SYT9: variants seen among roughly 807,000 people sequenced by gnomAD.
SYT9 encodes synaptotagmin-9.
In SYT9, 22 loss-of-function variants were observed where a neutral mutation model predicts 48.4. The observed-to-expected ratio is 0.45, with a 90% CI of 0.32 to 0.65. The LOEUF is 0.65. SYT9 is among the 30% of genes least tolerant of loss of function. The pLI is 0.03. For synonymous variants in SYT9, 265 were observed against 245.0 expected, an observed-to-expected ratio of 1.08 and a Z score of -0.76; for missense variants, 577 against 622.0, an observed-to-expected ratio of 0.93 and a Z score of 0.77.
At chr11:7,323,047 G>A (rs911216641) in intron 3 of SYT9, among the ~76,000 whole-genome samples, 2 of 151,964 alleles carry the variant, frequency 1.3e-5, no homozygotes, top group African/African-American at 2.4e-5. Flanking sequence ...CATGATTTTA[G>A]CATTCCATAT....
chr11:7,462,815 G>A (rs965182005), intron 6 of SYT9, among the ~76,000 whole-genome samples: 1 of 152,080 alleles, frequency 6.6e-6, no homozygotes, highest in Non-Finnish European at 1.5e-5. Context: ...GGTACTTCCT[G>A]TAATAAAGTC....
In SYT9 at chr11:7,407,528, C is replaced by T. The variant is rs1225307739; in HGVS notation, c.1045-8514C>T. On this transcript the variant is annotated intron_variant, in intron 3 of 6. Coordinates refer to ENST00000318881, the MANE Select transcript of SYT9 (RefSeq NM_175733.4). ...CCCCAGTAGCTGGGACTACAGGCGCCCGCCACCGCGCCCGGCTAATTTTTT... is the reference window on the plus strand; with the variant it reads ...CCCCAGTAGCTGGGACTACAGGCGCTCGCCACCGCGCCCGGCTAATTTTTT... 4.0e-5 allele frequency among the ~76,000 whole-genome samples: 4 copies of T among 100,964 alleles called. 2 individuals are homozygous for T. Among genetic ancestry groups the T allele is most frequent in the African/African-American group, 2.8e-4 (4 of 14,394 alleles). The allele number at this position is 100,964 out of a possible 152,430, so 66.2% of individuals were successfully genotyped here. A position where few individuals can be genotyped will look rare whatever the true frequency, so the allele number is the denominator to read the frequency against.
intron 1 of SYT9, among the ~76,000 whole-genome samples, chr11:7,243,071 T>TAAATAAATAAATAAAAAA (rs528022019): frequency 1.3e-5 from 2 of 151,000 alleles, no homozygotes; most frequent in Non-Finnish European, 2.9e-5. Context: ...TAAATAAATA[T>TAAATAAATAAATAAAAAA]AAAGTATTAC....
chr11:7,348,686 TC>T (rs1849847804), intron 3 of SYT9, among the ~76,000 whole-genome samples: 6 of 99,698 alleles, frequency 6.0e-5, no homozygotes, highest in African/African-American at 1.7e-4. Context: ...CCATCAGACC[TC>T]CTTTTTTTTT....
At chr11:7,278,146 G>A (rs143384277) in intron 1 of SYT9, among the ~76,000 whole-genome samples, 2 of 152,248 alleles carry the variant, frequency 1.3e-5, no homozygotes, top group East Asian at 1.9e-4. Context: ...GCCCTGGGTC[G>A]AGGCAGGGTA....
chr11:7,279,806 T>TA (rs1848461229), intron 1 of SYT9, among the ~76,000 whole-genome samples: 3 of 152,194 alleles, frequency 2.0e-5, no homozygotes, highest in Non-Finnish European at 4.4e-5. Context: ...TTATATATGA[T>TA]TGTGACCCAG....
intron 6 of SYT9, among the ~76,000 whole-genome samples, chr11:7,425,131 C>T (rs1207692686): frequency 6.6e-6 from 1 of 152,118 alleles, no homozygotes; most frequent in Non-Finnish European, 1.5e-5. Context: ...TCCACATATT[C>T]CCAGGAGAAT....
At chr11:7,372,752 A>G (rs1257812734) in intron 3 of SYT9, among the ~76,000 whole-genome samples, 1 of 152,150 alleles carries the variant, frequency 6.6e-6, no homozygotes, top group African/African-American at 2.4e-5. Flanking sequence ...TTTCCAGCTA[A>G]GCAATTATAT....
chr11:7,386,067 A>C (rs144694759), intron 3 of SYT9, among the ~76,000 whole-genome samples: 148 of 152,300 alleles, frequency 9.7e-4, no homozygotes, highest in Non-Finnish European at 1.6e-3. Flanking sequence ...TTTCTGCAGA[A>C]AACTATTGGA....
At chr11:7,336,751 G>A (rs1257989546) in intron 3 of SYT9, among the ~76,000 whole-genome samples, 1 of 152,068 alleles carries the variant, frequency 6.6e-6, no homozygotes, top group Non-Finnish European at 1.5e-5. Context: ...TAGCCCTGTA[G>A]TAACAGGGTA....
At chr11:7,395,119 G>A (rs769209815) in intron 3 of SYT9, among the ~76,000 whole-genome samples, 6 of 151,856 alleles carry the variant, frequency 4.0e-5, no homozygotes, top group Non-Finnish European at 7.4e-5. Context: ...CCCATCACCC[G>A]AGCGGTATAT....
At position 7,303,072 on chromosome 11, in the gene SYT9, C is replaced by T. The variant is rs752671031; in HGVS notation, c.179C>T (p.Thr60Ile). The change falls in exon 2 of 7, where the codon ACT (threonine) becomes ATT (isoleucine). Residue 60 changes from threonine (T) to isoleucine (I), a missense_variant. Coordinates refer to ENST00000318881, the MANE Select transcript of SYT9 (RefSeq NM_175733.4). Reference sequence around the variant, plus strand: ...GTGAGCCTGCTGACCCTTGTGGTCACTGCCTGTGGTCTCGCTCTCTTTGGC... The same window carrying T: ...GTGAGCCTGCTGACCCTTGTGGTCATTGCCTGTGGTCTCGCTCTCTTTGGC... ...ISVSLLTLVV[T>I]ACGLALFGVS... The T allele has an allele frequency of 6.2e-7, 1 of 1,614,238 alleles. No individual in the cohort carries two copies. Among genetic ancestry groups the T allele is most frequent in the South Asian group, 1.1e-5 (1 of 91,084 alleles).
rs1351646795 is a variant in SYT9 at position 7,252,489 on chromosome 11, GA to G, written c.145+159del. On this transcript the variant is annotated intron_variant, in intron 1 of 6. Coordinates refer to ENST00000318881, the MANE Select transcript of SYT9 (RefSeq NM_175733.4). This position sits in a 1 kb window ranked among gnomAD's most constrained non-coding sequence, Gnocchi z 6.3. ...ATCAAGAACCAGCGCACTGTGGCCT[GA>G]TGCTGTAACCAGGCGGGGACCCGGG... Among the ~76,000 whole-genome samples the G allele has an allele frequency of 6.6e-6, 1 of 152,110 alleles. No homozygotes were observed. The highest frequency in any genetic ancestry group is 1.5e-5 in the Non-Finnish European group (1 of 67,994).
chr11:7,332,809 ATCT>A (rs1219450930), intron 3 of SYT9, among the ~76,000 whole-genome samples: 3 of 152,164 alleles, frequency 2.0e-5, no homozygotes, highest in African/African-American at 4.8e-5. Context: ...AAAAAAACAA[ATCT>A]TCTACAAACC....
At chr11:7,423,304 A>G (rs778791179) in intron 6 of SYT9, among the ~76,000 whole-genome samples, 10 of 152,200 alleles carry the variant, frequency 6.6e-5, no homozygotes, top group Non-Finnish European at 1.0e-4. Context: ...AATTGGGGCA[A>G]TGGTACCAGA....
At chr11:7,370,631 C>T (rs555970246) in intron 3 of SYT9, among the ~76,000 whole-genome samples, 1 of 152,154 alleles carries the variant, frequency 6.6e-6, no homozygotes, top group Admixed American at 6.5e-5. Flanking sequence ...AAAAGCAACC[C>T]TATGCTCACT....
At chr11:7,332,404 A>G (rs1231916587) in intron 3 of SYT9, among the ~76,000 whole-genome samples, 1 of 152,246 alleles carries the variant, frequency 6.6e-6, no homozygotes, top group African/African-American at 2.4e-5. Context: ...GCCAATGCTC[A>G]TAGCCGCTAA....
chr11:7,436,393 A>G (rs1486923637), intron 6 of SYT9, among the ~76,000 whole-genome samples: 1 of 152,234 alleles, frequency 6.6e-6, no homozygotes, highest in Non-Finnish European at 1.5e-5. Context: ...AAGTGGGGAC[A>G]GTATCTTCAG....
chr11:7,348,909 G>C (rs921527770), intron 3 of SYT9, among the ~76,000 whole-genome samples: 10 of 151,824 alleles, frequency 6.6e-5, no homozygotes, highest in African/African-American at 2.4e-4. Flanking sequence ...TGGTTCTGGA[G>C]AAAGAAAAGA....
Sources: allele counts gnomAD v4.1 joint callset (sites outside exome capture counted in the v4.1 genomes callset), GRCh38; gene constraint gnomAD v4.1.1; non-coding constraint Gnocchi (gnomAD v3.1); transcripts MANE v1.5; gene names NCBI Gene and HGNC (gene_info 2026-07-23, HGNC 2026-07-21).